ARHGAP32: variants seen among roughly 807,000 people sequenced by gnomAD.
ARHGAP32 encodes Rho GTPase activating protein 32.
ARHGAP32 carries 51 observed loss-of-function variants against 186.5 expected under a neutral mutation model. The ratio of observed to expected loss-of-function variants is 0.27; its 90% CI spans 0.22 to 0.35. The LOEUF (loss-of-function observed/expected upper bound fraction) is 0.35, where lower values mean the gene tolerates loss of function less well. ARHGAP32 is among the 10% of genes least tolerant of loss of function. The pLI is 1.00. For missense variants in ARHGAP32, 2,186 were observed against 2,623.5 expected, an observed-to-expected ratio of 0.83 and a Z score of 3.64; for synonymous variants, 950 against 964.3, an observed-to-expected ratio of 0.99 and a Z score of 0.27.
At chr11:129,050,688 G>A (rs1940006264) in intron 10 of ARHGAP32, among the ~76,000 whole-genome samples, 1 of 152,154 alleles carries the variant, frequency 6.6e-6, no homozygotes, top group African/African-American at 2.4e-5. Flanking sequence ...TACATGTGCA[G>A]AACAGGCAGG....
chr11:129,186,596 A>G (rs1454537163), intron 1 of ARHGAP32, among the ~76,000 whole-genome samples: 4 of 152,232 alleles, frequency 2.6e-5, no homozygotes, highest in African/African-American at 9.6e-5. Flanking sequence ...GACAACCCAC[A>G]GCAAGGGAGA....
At chr11:129,222,696 G>A (rs1944727840) in intron 1 of ARHGAP32, among the ~76,000 whole-genome samples, 1 of 152,124 alleles carries the variant, frequency 6.6e-6, no homozygotes, top group Non-Finnish European at 1.5e-5. Flanking sequence ...CTCTTTAAGT[G>A]CAACCTCTCT....
chr11:129,064,152 A>C, intron 8 of ARHGAP32, 128 bp from the exon 9 acceptor site: 1 of 713,580 alleles, frequency 1.4e-6, no homozygotes, highest in Non-Finnish European at 2.1e-6. Context: ...AAAAAAAACT[A>C]CCATTTACTG....
At chr11:128,991,929 G>A (rs992324375) in intron 12 of ARHGAP32, among the ~76,000 whole-genome samples, 8 of 151,526 alleles carry the variant, frequency 5.3e-5, no homozygotes, top group African/African-American at 1.7e-4. Context: ...TCATTCACTC[G>A]CTCACTCACT....
intron 1 of ARHGAP32, among the ~76,000 whole-genome samples, chr11:129,250,627 T>C (rs1181106036): frequency 1.3e-5 from 2 of 152,212 alleles, no homozygotes; most frequent in African/African-American, 2.4e-5. Flanking sequence ...AGCCTCCTCC[T>C]ACCATCCAAA....
intron 2 of ARHGAP32, among the ~76,000 whole-genome samples, chr11:129,145,274 T>C (rs1943145374): frequency 1.3e-5 from 2 of 152,046 alleles, no homozygotes; most frequent in African/African-American, 2.4e-5. Flanking sequence ...TTGAATTCTG[T>C]GTACATTAGA....
At chr11:129,180,517 G>A (rs1944033594) in intron 1 of ARHGAP32, among the ~76,000 whole-genome samples, 1 of 151,932 alleles carries the variant, frequency 6.6e-6, no homozygotes. Context: ...AAGTTTATTG[G>A]TAAATGTTAC....
chr11:129,049,878 T>G (rs1426039363), intron 10 of ARHGAP32, among the ~76,000 whole-genome samples: 4 of 152,246 alleles, frequency 2.6e-5, no homozygotes, highest in African/African-American at 9.6e-5. Flanking sequence ...GCTTTTTCTG[T>G]AAACAGTTAG....
Position 129,164,211 on chromosome 11 carries a change from C to T in ARHGAP32, c.225+108G>A, listed in dbSNP as rs938809103. The T allele has an allele frequency of 7.4e-5, 49 of 660,334 alleles. No homozygotes were observed. In the East Asian group the frequency reaches 1.2e-3, roughly 16 times the overall value. 40.9% of individuals were successfully genotyped at this position (660,334 alleles called of 1,614,324 possible). On this transcript the variant is annotated intron_variant, in intron 2 of 22. Coordinates refer to ENST00000682385, the MANE Select transcript of ARHGAP32 (RefSeq NM_001378024.1). ...AATAAATATTTCCTGAATAAATGAA[C>T]AAAGCAACAAAATTTTTTGTGTAAT...
intron 5 of ARHGAP32, among the ~76,000 whole-genome samples, chr11:129,094,408 G>C (rs1167545627): frequency 2.6e-5 from 4 of 152,080 alleles, no homozygotes; most frequent in African/African-American, 9.7e-5. Context: ...AATTCACCAT[G>C]TAGGTCTGCA....
In ARHGAP32 at chr11:129,153,515, T is replaced by C. The variant is rs548452025; in HGVS notation, c.225+10804A>G. On this transcript the variant is annotated intron_variant, in intron 2 of 22. Coordinates refer to ENST00000682385, the MANE Select transcript of ARHGAP32 (RefSeq NM_001378024.1). ...CAAGGTTATAGTTACAGAAACAGTA[T>C]GGTACTGGTATTTAAAAAAAGGCAT... Among the ~76,000 whole-genome samples, 28 of 152,208 alleles carry C rather than the reference T, an allele frequency of 1.8e-4. No homozygotes were observed. In the East Asian group the frequency reaches 2.9e-3, roughly 16 times the overall value.
intron 2 of ARHGAP32, 52 bp downstream of exon 2, chr11:129,164,267 G>A: frequency 9.0e-7 from 1 of 1,112,614 alleles, no homozygotes; most frequent in East Asian, 2.6e-5. Context: ...TTATATAAGT[G>A]CTATATATAC....
At chr11:129,048,885 A>G (rs991943208) in intron 10 of ARHGAP32, among the ~76,000 whole-genome samples, 3 of 152,060 alleles carry the variant, frequency 2.0e-5, no homozygotes, top group Non-Finnish European at 4.4e-5. Context: ...AGACACATAG[A>G]AAAAAAAGAC....
chr11:129,080,427 T>C (rs1435518603), intron 6 of ARHGAP32, among the ~76,000 whole-genome samples: 4 of 151,944 alleles, frequency 2.6e-5, no homozygotes, highest in Admixed American at 1.3e-4. Flanking sequence ...TGGAATAAAA[T>C]TGGAAATCAA....
At chr11:129,088,994 TCAAA>T (rs1565416728) in intron 6 of ARHGAP32, among the ~76,000 whole-genome samples, 3 of 65,584 alleles carry the variant, frequency 4.6e-5, no homozygotes, top group African/African-American at 2.0e-4. Flanking sequence ...AGAGACCTTG[TCAAA>T]AAAAAAAAAA....
At chr11:129,121,817 T>G (rs145501842) in intron 5 of ARHGAP32, among the ~76,000 whole-genome samples, 1 of 152,016 alleles carries the variant, frequency 6.6e-6, no homozygotes, top group East Asian at 1.9e-4. Flanking sequence ...CCCATAAAAA[T>G]TAGACACAGT....
chr11:129,247,514 T>G (rs904393093), intron 1 of ARHGAP32, among the ~76,000 whole-genome samples: 1 of 152,166 alleles, frequency 6.6e-6, no homozygotes, highest in African/African-American at 2.4e-5. Flanking sequence ...TGTACCAAAT[T>G]ATATTAATCT....
chr11:128,974,321 T>C lies in ARHGAP32; in HGVS notation c.2876A>G (p.Glu959Gly). ...SSSTWDKCVE[E>G]RDATNRSPTQ... ...GGGGGATCTATTTGTGGCATCCCTTTCTTCAACGCATTTGTCCCAGGTTGA... is the reference window on the plus strand; with the variant it reads ...GGGGGATCTATTTGTGGCATCCCTTCCTTCAACGCATTTGTCCCAGGTTGA... Residue 959 changes from glutamate to glycine, a missense_variant, in exon 21 of 23, where the codon GAA becomes GGA. By Grantham distance (98) the Glu-to-Gly change is moderately conservative. This residue lies in a region of ARHGAP32 where 1,502 missense variants were observed against 1,570.0 expected (regional missense o/e 0.96). Coordinates refer to ENST00000682385, the MANE Select transcript of ARHGAP32 (RefSeq NM_001378024.1). The C allele has an allele frequency of 6.2e-7, 1 of 1,614,210 alleles. No individual in the cohort carries two copies. The highest frequency in any genetic ancestry group is 8.5e-7 in the Non-Finnish European group (1 of 1,180,040).
At chr11:129,108,941 C>A (rs569343195) in intron 5 of ARHGAP32, among the ~76,000 whole-genome samples, 1 of 152,120 alleles carries the variant, frequency 6.6e-6, no homozygotes, top group Non-Finnish European at 1.5e-5. Context: ...ATCTCTCTTT[C>A]GGCTACTTTG....
Sources: allele counts gnomAD v4.1 joint callset (sites outside exome capture counted in the v4.1 genomes callset), GRCh38; gene constraint gnomAD v4.1.1; regional missense constraint gnomAD v4.1.1; transcripts MANE v1.5; gene names NCBI Gene and HGNC (gene_info 2026-07-23, HGNC 2026-07-21).